Variants in AGAP3 observed in about 807,000 individuals in gnomAD.
AGAP3 encodes ArfGAP with GTPase domain, ankyrin repeat and PH domain 3.
In AGAP3, 24 loss-of-function variants were observed where a neutral mutation model predicts 96.9. The ratio of observed to expected loss-of-function variants is 0.25; its 90% CI spans 0.18 to 0.35. AGAP3 has a LOEUF of 0.35. Among genes scored for constraint, AGAP3 ranks in the 10% least tolerant of loss-of-function variants. The pLI is 1.00. For synonymous variants in AGAP3, 563 were observed against 536.1 expected, an observed-to-expected ratio of 1.05 and a Z score of -0.69; for missense variants, 876 against 1,254.2, an observed-to-expected ratio of 0.70 and a Z score of 4.55.
rs778257654 is a variant in AGAP3 at position 151,117,472 on chromosome 7, AG to A, written c.564+19del. ...TGAGCTCCAGGTGATGCTCCTGCCC[AG>A]GGTTAGGGCCCACCGCTGTGCCTGG... is the stretch of plus-strand genomic sequence containing the variant. On this transcript the variant is annotated intron_variant, in intron 4 of 17. Coordinates refer to ENST00000397238, the MANE Select transcript of AGAP3 (RefSeq NM_031946.7). The A allele has an allele frequency of 6.8e-6, 11 of 1,614,044 alleles. No individual in the cohort carries two copies. Among genetic ancestry groups the A allele is most frequent in the Non-Finnish European group, 9.3e-6 (11 of 1,179,962 alleles).
rs747673769 is a variant in AGAP3, at chr7:151,123,819, G to T, written c.1154G>T (p.Arg385Leu). The T allele has an allele frequency of 1.2e-6, 2 of 1,612,860 alleles. No individual in the cohort carries two copies. The highest frequency in any genetic ancestry group is 1.7e-6 in the Non-Finnish European group (2 of 1,179,952). Reference sequence around the variant, plus strand: ...TCTCGGAAGGGTGCTGACCTGGACCGGGAGAAGAAGGCTGCCGAGTGCAAG... The same window carrying T: ...TCTCGGAAGGGTGCTGACCTGGACCTGGAGAAGAAGGCTGCCGAGTGCAAG... ...FTSRKGADLDREKKAAECKVD... is the reference protein window; with the variant it reads ...FTSRKGADLDLEKKAAECKVD... Residue 385 changes from arginine (R) to leucine (L), a missense_variant, in exon 9 of 18, where the codon CGG becomes CTG. Arg to Leu is a moderately radical substitution (Grantham distance 102). Around this residue, in one of 8 missense-constraint regions of AGAP3, gnomAD observed 49 missense variants for 41.7 expected, o/e 1.17. Coordinates refer to ENST00000397238, the MANE Select transcript of AGAP3 (RefSeq NM_031946.7).
chr7:151,092,139 G>A (rs937167942), intron 1 of AGAP3, among the ~76,000 whole-genome samples: 12 of 152,190 alleles, frequency 7.9e-5, no homozygotes, highest in Non-Finnish European at 5.9e-5. Flanking sequence ...CGTCACAAGC[G>A]TTTAAGCCTT....
chr7:151,117,701 G>A lies in AGAP3; in HGVS notation c.630G>A (p.Thr210=), dbSNP rs767334109. The A allele has an allele frequency of 4.2e-5, 68 of 1,614,064 alleles. No individual in the cohort carries two copies. Among genetic ancestry groups the A allele is most frequent in the Middle Eastern group, 1.6e-4 (1 of 6,084 alleles). Residue 210 remains threonine, a synonymous_variant, in exon 5 of 18, where the codon ACG becomes ACA. Transcript: ENST00000397238. The part of the protein sequence containing the change: ...FSLEDEISFQ[T]VYNYFLRLCS... ...TGGAGGATGAAATCAGTTTCCAGACGGTGTACAACTACTTCCTGCGTCTCT... is the reference window on the plus strand; with the variant it reads ...TGGAGGATGAAATCAGTTTCCAGACAGTGTACAACTACTTCCTGCGTCTCT...
intron 11 of AGAP3, among the ~76,000 whole-genome samples, chr7:151,135,194 C>T (rs1011648271): frequency 4.6e-5 from 7 of 152,204 alleles, no homozygotes; most frequent in Non-Finnish European, 7.3e-5. Flanking sequence ...TTCCAGGGTC[C>T]GTCCTTCCAC....
intron 10 of AGAP3, among the ~76,000 whole-genome samples, chr7:151,130,399 GGCTGA>G (rs1359636244): frequency 6.6e-6 from 1 of 152,170 alleles, no homozygotes; most frequent in African/African-American, 2.4e-5. Context: ...CCCGGCTGGT[GGCTGA>G]GCTAAGACTT....
intron 1 of AGAP3, chr7:151,115,650 G>A: frequency 8.6e-7 from 1 of 1,165,176 alleles, no homozygotes; most frequent in Non-Finnish European, 1.1e-6. Flanking sequence ...CGGTAAGGGG[G>A]CGGGCCTGGG....
chr7:151,143,439 G>A lies in AGAP3; in HGVS notation c.2372G>A (p.Arg791Gln), dbSNP rs200184291. The A allele has an allele frequency of 2.4e-4, 389 of 1,614,052 alleles. No individual in the cohort carries two copies. The highest frequency in any genetic ancestry group is 3.2e-4 in the Non-Finnish European group (372 of 1,180,034). The change falls in exon 17 of 18, where the codon CGG becomes CAG. Residue 791 changes from arginine (R) to glutamine (Q), a missense_variant. Arg to Gln is a conservative substitution (Grantham distance 43). This residue lies in a region of AGAP3 where 213 missense variants were observed against 253.8 expected (regional missense o/e 0.84). Coordinates refer to ENST00000397238, the MANE Select transcript of AGAP3 (RefSeq NM_031946.7). The surrounding 1 kb of genome is among the most constrained non-coding windows in gnomAD (Gnocchi z 5.9). Reference protein sequence around the residue: ...SDVPLGQQLLRAVVEDDLRLL... With the variant: ...SDVPLGQQLLQAVVEDDLRLL... ...GTGCCACTGGGGCAGCAGCTGCTCC[G>A]GGCCGTGGTGGAAGATGACCTGCGG...
chr7:151,101,140 A>T (rs1339183031), intron 1 of AGAP3, among the ~76,000 whole-genome samples: 1 of 152,208 alleles, frequency 6.6e-6, no homozygotes, highest in African/African-American at 2.4e-5. Flanking sequence ...CTGCCCAGCC[A>T]TCCCCGGGTC....
chr7:151,097,294 G>A (rs1309978038), intron 1 of AGAP3, among the ~76,000 whole-genome samples: 2 of 151,824 alleles, frequency 1.3e-5, no homozygotes, highest in Non-Finnish European at 2.9e-5. Flanking sequence ...ACTTTGGGAA[G>A]CCGAGGCAGG....
intron 8 of AGAP3, chr7:151,123,196 C>T: frequency 9.6e-7 from 1 of 1,044,276 alleles, no homozygotes; most frequent in Non-Finnish European, 1.2e-6. Flanking sequence ...CTCCGGAAGC[C>T]GCCGCCGCCG....
In AGAP3 at chr7:151,143,646, T is replaced by G; in HGVS notation, c.2529+50T>G. 6.2e-7 allele frequency: 1 copy of G among 1,602,096 alleles called. No individual in the cohort carries two copies. The highest frequency in any genetic ancestry group is 8.5e-7 in the Non-Finnish European group (1 of 1,172,388). ...CCTGACCTCGCTCTTCTTAGCCTTG[T>G]TCTTTGAAAGCAACCTCTTCTTTCC... On this transcript the variant is annotated intron_variant, in intron 17 of 17. Transcript: ENST00000397238. The surrounding 1 kb of genome is among the most constrained non-coding windows in gnomAD (Gnocchi z 5.9).
chr7:151,137,929 T>C (rs1800665820), intron 11 of AGAP3: 5 of 576,510 alleles, frequency 8.7e-6, no homozygotes, highest in Non-Finnish European at 1.5e-5. Flanking sequence ...GACAGAGCTG[T>C]GGACCGTGAA....
At chr7:151,126,723 C>T (rs1245377087) in intron 9 of AGAP3, among the ~76,000 whole-genome samples, 1 of 152,186 alleles carries the variant, frequency 6.6e-6, no homozygotes, top group Admixed American at 6.5e-5. Context: ...GACAGGAATA[C>T]CACACCCAGA....
At chr7:151,129,600 C>A (rs565399043) in intron 10 of AGAP3, among the ~76,000 whole-genome samples, 1 of 152,170 alleles carries the variant, frequency 6.6e-6, no homozygotes, top group African/African-American at 2.4e-5. Flanking sequence ...CTTCCTAACA[C>A]GCCTCACTCC....
chr7:151,104,110 G>GC (rs1245425682), intron 1 of AGAP3, among the ~76,000 whole-genome samples: 3 of 152,092 alleles, frequency 2.0e-5, no homozygotes, highest in Non-Finnish European at 4.4e-5. Flanking sequence ...GAAATAAACT[G>GC]CCCCGCACAA....
intron 1 of AGAP3, among the ~76,000 whole-genome samples, chr7:151,110,892 G>T (rs930838558): frequency 3.3e-5 from 5 of 152,204 alleles, no homozygotes; most frequent in Admixed American, 1.3e-4. Flanking sequence ...GAAAATGGGG[G>T]ATGCTGGAAT....
At position 151,131,082 on chromosome 7, in the gene AGAP3, G is replaced by T. The variant is rs35673456; in HGVS notation, c.1326+2398G>T. ...GGCTCTCCTCTCCAGCAAGGGTCTC[G>T]CCTGAGCCCCAAGGGCATCGGGACT... is the stretch of plus-strand genomic sequence containing the variant. On this transcript the variant is annotated intron_variant, in intron 10 of 17. Coordinates refer to ENST00000397238, the MANE Select transcript of AGAP3 (RefSeq NM_031946.7). The T allele has an allele frequency of 6.6e-5, 10 of 152,266 alleles. No individual in the cohort carries two copies. In the East Asian group the frequency reaches 1.2e-3, roughly 18 times the overall value. The allele number at this position is 152,266 out of a possible 1,614,324, so 9.4% of individuals were successfully genotyped here.
intron 1 of AGAP3, among the ~76,000 whole-genome samples, chr7:151,100,504 T>G (rs950766175): frequency 6.6e-6 from 1 of 152,214 alleles, no homozygotes; most frequent in African/African-American, 2.4e-5. Flanking sequence ...GGTGTAAACC[T>G]GGCTATCGAG....
chr7:151,122,631 C>CA (rs1471911227), intron 8 of AGAP3: 13 of 1,496,914 alleles, frequency 8.7e-6, no homozygotes, highest in Non-Finnish European at 1.2e-5. Context: ...CGCCGCTCCC[C>CA]AGGCGCCTGG....
Sources: allele counts gnomAD v4.1 joint callset (sites outside exome capture counted in the v4.1 genomes callset), GRCh38; gene constraint gnomAD v4.1.1; regional missense constraint gnomAD v4.1.1; non-coding constraint Gnocchi (gnomAD v3.1); transcripts MANE v1.5; gene names NCBI Gene and HGNC (gene_info 2026-07-23, HGNC 2026-07-21).